DCDC2: variants seen among roughly 807,000 people sequenced by gnomAD.
DCDC2 encodes the protein doublecortin domain containing 2.
Under a neutral mutation model 50.2 loss-of-function variants are expected in DCDC2, and 40 were observed. The ratio of observed to expected loss-of-function variants is 0.80; its 90% confidence interval spans 0.62 to 1.04. The LOEUF is 1.04. DCDC2 is among the 50% of genes least tolerant of loss of function. The pLI, the probability that DCDC2 is intolerant of heterozygous loss-of-function variation, is 0.00. For missense variants in DCDC2, 570 were observed against 581.9 expected, an observed-to-expected ratio of 0.98 and a Z score of 0.21; for synonymous variants, 234 against 210.6, an observed-to-expected ratio of 1.11 and a Z score of -0.96.
chr6:24,241,923 G>C (rs558524323), intron 7 of DCDC2, among the ~76,000 whole-genome samples: 123 of 152,280 alleles, frequency 8.1e-4, no homozygotes, highest in African/African-American at 2.7e-3. Context: ...TATAATTCCA[G>C]CACTTTGGGA....
At chr6:24,272,890 C>A (rs550899772) in intron 7 of DCDC2, among the ~76,000 whole-genome samples, 1 of 152,002 alleles carries the variant, frequency 6.6e-6, no homozygotes, top group African/African-American at 2.4e-5. Flanking sequence ...ATCATTATAC[C>A]AAAAAGACAC....
chr6:24,380,336 GT>G, the DCDC2 span, among the ~76,000 whole-genome samples: 1 of 152,068 alleles, frequency 6.6e-6, no homozygotes, highest in South Asian at 2.1e-4. Flanking sequence ...CATATTGTTT[GT>G]TCTAAAAAGT....
chr6:24,266,826 A>G (rs996536336), intron 7 of DCDC2, among the ~76,000 whole-genome samples: 5 of 152,244 alleles, frequency 3.3e-5, no homozygotes, highest in African/African-American at 1.2e-4. Context: ...AAAGAAAGGA[A>G]ATCAGTATAT....
Position 24,357,896 on chromosome 6 carries a change from G to A in DCDC2, c.-146C>T, listed in dbSNP as rs748007166. On this transcript the variant is annotated 5_prime_UTR_variant, in exon 1 of 10. Coordinates refer to ENST00000378454, the MANE Select transcript of DCDC2 (RefSeq NM_016356.5). ...AATCCACAGGTGAAAGAGAAGTAAC[G>A]GCCGTGCGCCTAGGCGTCCACCCAG... is the stretch of plus-strand genomic sequence containing the variant. 9.1e-6 allele frequency: 14 copies of A among 1,543,098 alleles called. No homozygotes were observed. The highest frequency in any genetic ancestry group is 1.4e-5 in the African/African-American group (1 of 72,704).
At chr6:24,211,388 T>C (rs1017476176) in intron 7 of DCDC2, among the ~76,000 whole-genome samples, 12 of 152,152 alleles carry the variant, frequency 7.9e-5, no homozygotes, top group Non-Finnish European at 1.2e-4. Flanking sequence ...AATTACGTTA[T>C]TGGTGGTAGG....
At chr6:24,200,809 C>T (rs1415693978) in intron 8 of DCDC2, among the ~76,000 whole-genome samples, 1 of 150,682 alleles carries the variant, frequency 6.6e-6, no homozygotes, top group Non-Finnish European at 1.5e-5. Context: ...GGAATATTTA[C>T]CAAGCAAATG....
intron 2 of DCDC2, among the ~76,000 whole-genome samples, chr6:24,330,385 G>A (rs1306964917): frequency 2.5e-4 from 38 of 152,100 alleles, no homozygotes; most frequent in Admixed American, 6.6e-5. Context: ...TCTTCACACC[G>A]TGGGGAGTAC....
At chr6:24,220,980 CCTCA>C in intron 7 of DCDC2, among the ~76,000 whole-genome samples, 1 of 50,806 alleles carries the variant, frequency 2.0e-5, no homozygotes, top group Non-Finnish European at 3.9e-5. Context: ...ATTAGAACTC[CCTCA>C]CTATCATGAG....
chr6:24,187,183 G>C (rs1278846670), intron 8 of DCDC2, among the ~76,000 whole-genome samples: 1 of 152,084 alleles, frequency 6.6e-6, no homozygotes, highest in Non-Finnish European at 1.5e-5. Flanking sequence ...AAAAAATAGG[G>C]AAGTTGGGTT....
intron 2 of DCDC2, among the ~76,000 whole-genome samples, chr6:24,324,283 C>T (rs1759822322): frequency 6.6e-6 from 1 of 152,126 alleles, no homozygotes; most frequent in Non-Finnish European, 1.5e-5. Flanking sequence ...CAGTGACCAC[C>T]CCCTTACCTA....
chr6:24,278,224 G>C lies in DCDC2; in HGVS notation c.760-13C>G, dbSNP rs751441660. 8 of 1,587,684 alleles carry C rather than the reference G, an allele frequency of 5.0e-6. No homozygotes were observed. Among genetic ancestry groups the C allele is most frequent in the Non-Finnish European group, 5.1e-6 (6 of 1,169,416 alleles). On this transcript the variant is annotated splice_polypyrimidine_tract_variant and intron_variant, in intron 6 of 9. Transcript: ENST00000378454. The stretch of plus-strand genomic sequence containing the variant: ...GGCGATCATTTCCCTAAATGGCAAA[G>C]TATTAGACCCTTATTATTAGCTAAT...
intron 2 of DCDC2, among the ~76,000 whole-genome samples, chr6:24,351,267 G>C (rs1434767277): frequency 4.6e-5 from 7 of 152,172 alleles, no homozygotes; most frequent in African/African-American, 1.7e-4. Context: ...GAACTTTGGG[G>C]AGGAAGGTAT....
chr6:24,217,265 ATACT>A (rs1321399241), intron 7 of DCDC2, among the ~76,000 whole-genome samples: 9 of 152,300 alleles, frequency 5.9e-5, no homozygotes, highest in African/African-American at 2.2e-4. Context: ...ATATAAATAT[ATACT>A]TAAAGGATTA....
intron 1 of DCDC2, among the ~76,000 whole-genome samples, chr6:24,354,002 AG>A (rs1342762539): frequency 1.3e-5 from 2 of 152,212 alleles, no homozygotes. Flanking sequence ...TTTAGGTCAA[AG>A]GAAGTACTGA....
At chr6:24,234,053 CATAAAG>C (rs1385236664) in intron 7 of DCDC2, among the ~76,000 whole-genome samples, 2 of 151,324 alleles carry the variant, frequency 1.3e-5, no homozygotes, top group East Asian at 3.9e-4. Flanking sequence ...TGCACAATGA[CATAAAG>C]ATAAACACTA....
rs572355046 is a variant in DCDC2 at position 24,184,772 on chromosome 6, C to T, written c.1024-6140G>A. Among the ~76,000 whole-genome samples, 89 of 152,174 alleles carry T rather than the reference C, an allele frequency of 5.8e-4. No homozygotes were observed. The South Asian group carries it at 0.013, about 23-fold the overall frequency. ...TAGGAACAGATTTCTTTTTAAATTA[C>T]CTCTGAAAATTGGATAATTATACAT... On this transcript the variant is annotated intron_variant, in intron 8 of 9. Coordinates refer to ENST00000378454, the MANE Select transcript of DCDC2 (RefSeq NM_016356.5).
the DCDC2 span, among the ~76,000 whole-genome samples, chr6:24,371,970 CAG>C: frequency 6.6e-6 from 1 of 152,116 alleles, no homozygotes; most frequent in Non-Finnish European, 1.5e-5. Context: ...AAGGAAACAA[CAG>C]GTGCTGGAGA....
At chr6:24,363,486 A>G in the DCDC2 span, among the ~76,000 whole-genome samples, 1 of 152,192 alleles carries the variant, frequency 6.6e-6, no homozygotes, top group Non-Finnish European at 1.5e-5. Flanking sequence ...GGGTAACAGA[A>G]TAAGACCCTG....
At chr6:24,224,798 G>C (rs2113778304) in intron 7 of DCDC2, among the ~76,000 whole-genome samples, 1 of 152,146 alleles carries the variant, frequency 6.6e-6, no homozygotes, top group South Asian at 2.1e-4. Flanking sequence ...CTCTATCATA[G>C]GTAGCACTTA....
Sources: gnomAD v4.1 joint callset for allele counts (sites outside exome capture counted in the v4.1 genomes callset) on GRCh38, gnomAD v4.1.1 for gene constraint, MANE v1.5 for transcripts, NCBI Gene and HGNC (gene_info 2026-07-23, HGNC 2026-07-21) for gene names.